NF1: variants seen among roughly 807,000 people sequenced by gnomAD.
NF1 encodes the protein neurofibromin.
In NF1, 122 loss-of-function variants were observed where a neutral mutation model predicts 325.7. That is an observed-to-expected ratio of 0.37 (90% CI 0.32 to 0.44). The LOEUF (loss-of-function observed/expected upper bound fraction) is 0.44. Ranked by LOEUF, NF1 falls within the 20% of genes least tolerant of loss-of-function variation. NF1 has a pLI of 1.00. For missense variants in NF1, 2,140 were observed against 3,415.4 expected (o/e 0.63, Z 9.31); for synonymous variants, 1,091 against 1,186.0 (o/e 0.92, Z 1.65).
chr17:31,225,065 A>G (rs1376772629), intron 16 of NF1, 30 bp from the exon 17 acceptor site: 2 of 1,611,464 alleles, frequency 1.2e-6, no homozygotes, highest in Non-Finnish European at 1.7e-6. Context: ...TCAGTGCTTC[A>G]GTAAAGCTTA....
intron 1 of NF1, among the ~76,000 whole-genome samples, chr17:31,126,379 C>T (rs1426115173): frequency 1.3e-5 from 2 of 151,626 alleles, no homozygotes; most frequent in Admixed American, 6.6e-5. Context: ...TACTTTTTGC[C>T]CATTTTTCTG....
chr17:31,328,407 A>G (rs1026882647), intron 38 of NF1, among the ~76,000 whole-genome samples: 16 of 152,188 alleles, frequency 1.1e-4, no homozygotes, highest in Non-Finnish European at 2.1e-4. Flanking sequence ...GTTTGAACAG[A>G]TATGCCACTT....
chr17:31,269,327 A>G (rs2067849762), intron 36 of NF1, among the ~76,000 whole-genome samples: 1 of 152,304 alleles, frequency 6.6e-6, no homozygotes, highest in African/African-American at 2.4e-5. Context: ...CATCCAATAT[A>G]CTTATGCTCT....
At chr17:31,131,602 C>T (rs1915397764) in intron 1 of NF1, among the ~76,000 whole-genome samples, 1 of 152,204 alleles carries the variant, frequency 6.6e-6, no homozygotes, top group Non-Finnish European at 1.5e-5. Flanking sequence ...GGAGCCCCCT[C>T]CCTGTGGCTT....
intron 4 of NF1, among the ~76,000 whole-genome samples, chr17:31,164,046 C>T (rs916225098): frequency 6.6e-6 from 1 of 152,176 alleles, no homozygotes; most frequent in Non-Finnish European, 1.5e-5. Context: ...CTCATCCTCA[C>T]AGTAACCTTG....
Position 31,320,412 on chromosome 17 carries a change from A to G in NF1, c.4836-5408A>G, listed in dbSNP as rs779861979. The stretch of plus-strand genomic sequence containing the variant: ...TAGGGCCTGAAAGTCTTTGTTTCCA[A>G]ACCAACTCCTAAGCAACATGGATGC... On this transcript the variant is annotated intron_variant, in intron 36 of 57. Coordinates refer to ENST00000358273, the MANE Select transcript of NF1 (RefSeq NM_001042492.3). 27 of 1,611,288 alleles carry G rather than the reference A, an allele frequency of 1.7e-5. No homozygotes were observed. Among genetic ancestry groups the G allele is most frequent in the Non-Finnish European group, 2.1e-5 (25 of 1,179,062 alleles).
intron 36 of NF1, among the ~76,000 whole-genome samples, chr17:31,269,877 A>T (rs1021505080): frequency 6.6e-6 from 1 of 152,212 alleles, no homozygotes; most frequent in South Asian, 2.1e-4. Flanking sequence ...TTTCTTGGTT[A>T]TCTAGGCCTG....
At chr17:31,110,656 TCAGA>T (rs1390595363) in intron 1 of NF1, among the ~76,000 whole-genome samples, 1 of 151,992 alleles carries the variant, frequency 6.6e-6, no homozygotes, top group Non-Finnish European at 1.5e-5. Flanking sequence ...TTGAAGTTCA[TCAGA>T]CAAAGACTTA....
chr17:31,110,164 G>A (rs1292361498), intron 1 of NF1, among the ~76,000 whole-genome samples: 1 of 151,968 alleles, frequency 6.6e-6, no homozygotes, highest in Non-Finnish European at 1.5e-5. Flanking sequence ...TTAATTTCTG[G>A]GTGGTATTTA....
intron 8 of NF1, among the ~76,000 whole-genome samples, 191 bp from the exon 9 acceptor site, chr17:31,200,231 G>A (rs1043810823): frequency 3.3e-4 from 32 of 97,676 alleles, no homozygotes; most frequent in Admixed American, 1.9e-3. Flanking sequence ...ATAGAAAAAG[G>A]ATTTTTTTTA....
intron 1 of NF1, among the ~76,000 whole-genome samples, chr17:31,129,279 T>C (rs1915148685): frequency 2.0e-5 from 3 of 152,128 alleles, no homozygotes; most frequent in Admixed American, 1.3e-4. Context: ...CAGTGAATCA[T>C]ATATTTAGTC....
intron 57 of NF1, among the ~76,000 whole-genome samples, chr17:31,364,350 C>A (rs2057769): frequency 0.44 from 66,660 of 152,086 alleles, 17,071 homozygotes; most frequent in African/African-American, 0.71. Context: ...TGTTGCTGAT[C>A]TGCACGCATT....
intron 10 of NF1, 56 bp downstream of exon 10, chr17:31,201,215 A>C: frequency 6.2e-7 from 1 of 1,604,182 alleles, no homozygotes; most frequent in Non-Finnish European, 8.5e-7. Context: ...TCCTTTATAA[A>C]CAAAAAGACT....
chr17:31,338,460 A>T (rs1274221613), intron 45 of NF1, among the ~76,000 whole-genome samples: 3 of 152,192 alleles, frequency 2.0e-5, no homozygotes, highest in African/African-American at 7.2e-5. Flanking sequence ...GTAAGACTAT[A>T]GCCTTGCATA....
chr17:31,371,549 T>C (rs1239282400), intron 57 of NF1, among the ~76,000 whole-genome samples: 4 of 152,164 alleles, frequency 2.6e-5, no homozygotes, highest in Non-Finnish European at 4.4e-5. Flanking sequence ...CAAATAAATA[T>C]ACAGAAGAGA....
At chr17:31,184,647 CAA>C (rs1181227983) in intron 8 of NF1, among the ~76,000 whole-genome samples, 26 of 72,728 alleles carry the variant, frequency 3.6e-4, no homozygotes, top group South Asian at 2.8e-3. Flanking sequence ...GACTCCGTCT[CAA>C]AAAAAAAAAA....
rs2067632355 is a variant in NF1, at chr17:31,258,891, T to G, written c.4333-141T>G. 4 of 573,892 alleles carry G rather than the reference T, an allele frequency of 7.0e-6. No individual in the cohort carries two copies. In the East Asian group the frequency reaches 1.2e-4, roughly 17 times the overall value. The allele number at this position is 573,892 out of a possible 1,614,324, so 35.5% of individuals were successfully genotyped here. A position where few individuals can be genotyped will look rare whatever the true frequency, so the allele number is the denominator to read the frequency against. On this transcript the variant is annotated intron_variant, in intron 32 of 57. Transcript: ENST00000358273. ...GTTAGAAACACTACCTAAAATAATTTATAGAATGAGGAATGTTTGATTTTT... is the reference window on the plus strand; with the variant it reads ...GTTAGAAACACTACCTAAAATAATTGATAGAATGAGGAATGTTTGATTTTT...
intron 1 of NF1, among the ~76,000 whole-genome samples, chr17:31,138,694 C>A (rs766396278): frequency 1.3e-5 from 2 of 149,938 alleles, no homozygotes; most frequent in East Asian, 2.0e-4. Context: ...CCCAGGTTCA[C>A]GCAATTCTTC....
At chr17:31,356,882 T>C (rs2070283209) in intron 52 of NF1, 78 bp from the exon 53 acceptor site, 1 of 1,581,480 alleles carries the variant, frequency 6.3e-7, no homozygotes. Context: ...GCTGTTGAAT[T>C]TTAGAAGTAA....
Sources: gnomAD v4.1 joint callset for allele counts (sites outside exome capture counted in the v4.1 genomes callset) on GRCh38, gnomAD v4.1.1 for gene constraint, MANE v1.5 for transcripts, NCBI Gene and HGNC (gene_info 2026-07-23, HGNC 2026-07-21) for gene names.